Variants in XYLT1 observed in about 807,000 individuals in gnomAD.
XYLT1 encodes the protein xylosyltransferase 1.
Under a neutral mutation model 91.3 loss-of-function variants are expected in XYLT1, and 36 were observed. The observed-to-expected ratio is 0.39, with a 90% CI of 0.30 to 0.52. XYLT1 has a LOEUF of 0.52. Among genes scored for constraint, XYLT1 ranks in the 20% least tolerant of loss-of-function variants. The pLI, the probability that XYLT1 is intolerant of heterozygous loss-of-function variation, is 0.68. For synonymous variants in XYLT1, 588 were observed against 532.0 expected, an observed-to-expected ratio of 1.11 and a Z score of -1.45; for missense variants, 1,242 against 1,284.5, an observed-to-expected ratio of 0.97 and a Z score of 0.51.
intron 1 of XYLT1, among the ~76,000 whole-genome samples, chr16:17,425,506 T>G (rs2141926689): frequency 6.6e-6 from 1 of 152,278 alleles, no homozygotes; most frequent in East Asian, 1.9e-4. Context: ...AAATAATTCT[T>G]CTTACACTTC....
intron 2 of XYLT1, among the ~76,000 whole-genome samples, chr16:17,281,069 TG>T (rs1267521582): frequency 6.6e-6 from 1 of 152,162 alleles, no homozygotes; most frequent in Non-Finnish European, 1.5e-5. Flanking sequence ...GGTAAGCAAC[TG>T]GATTTGGCCC....
chr16:17,303,677 G>C (rs2141814887), intron 2 of XYLT1, among the ~76,000 whole-genome samples: 1 of 152,264 alleles, frequency 6.6e-6, no homozygotes, highest in African/African-American at 2.4e-5. Flanking sequence ...CTGGGAGTAA[G>C]AGGAGGAATC....
intron 1 of XYLT1, among the ~76,000 whole-genome samples, chr16:17,366,062 T>TG (rs1031292536): frequency 1.5e-4 from 6 of 39,862 alleles, no homozygotes; most frequent in Non-Finnish European, 2.2e-4. Context: ...GCTGGTTTGC[T>TG]TTTTTTTTTT....
At chr16:17,364,907 T>C (rs1180681077) in intron 1 of XYLT1, among the ~76,000 whole-genome samples, 3 of 152,190 alleles carry the variant, frequency 2.0e-5, no homozygotes, top group African/African-American at 4.8e-5. Flanking sequence ...TACATTGTTA[T>C]GAAACACCCT....
chr16:17,469,034 T>C (rs2036940326), intron 1 of XYLT1, among the ~76,000 whole-genome samples: 1 of 152,148 alleles, frequency 6.6e-6, no homozygotes, highest in South Asian at 2.1e-4. Context: ...CACGCCACTA[T>C]TCTCCCCGCA....
At chr16:17,249,067 A>C (rs7197069) in intron 3 of XYLT1, among the ~76,000 whole-genome samples, 61,663 of 151,900 alleles carry the variant, frequency 0.41, 14,324 homozygotes, top group African/African-American at 0.64. Flanking sequence ...TCCCTACCCA[A>C]CTTTAACAGG....
chr16:17,421,958 C>T (rs2036256154), intron 1 of XYLT1, among the ~76,000 whole-genome samples: 1 of 152,054 alleles, frequency 6.6e-6, no homozygotes, highest in South Asian at 2.1e-4. Flanking sequence ...CCACCTAAGC[C>T]TTCCAAGTAG....
At chr16:17,180,865 G>A (rs371279856) in intron 5 of XYLT1, among the ~76,000 whole-genome samples, 20 of 152,232 alleles carry the variant, frequency 1.3e-4, no homozygotes, top group South Asian at 4.1e-4. Context: ...TGCTCTCTGC[G>A]TTGGCTTCTG....
chr16:17,374,447 T>C (rs1435305757), intron 1 of XYLT1, among the ~76,000 whole-genome samples: 1 of 152,184 alleles, frequency 6.6e-6, no homozygotes, highest in Non-Finnish European at 1.5e-5. Flanking sequence ...ATTTGGCTTT[T>C]ACATAATCAG....
chr16:17,140,658 CAAAAAAAAAAAAAAAAAA>C (rs71137974), intron 7 of XYLT1, among the ~76,000 whole-genome samples: 1 of 68,026 alleles, frequency 1.5e-5, no homozygotes, highest in Admixed American at 1.9e-4. Context: ...AAGACTGTCT[CAAAAAAAAAAAAAAAAAA>C]AAAAAAAAAA....
At position 17,149,040 on chromosome 16, in the gene XYLT1, T is replaced by A. The variant is rs138884371; in HGVS notation, c.1371-7671A>T. ...AGGAAAAAGTCACAGCTAAATATGA[T>A]CCTATTGGGACATCCCAGGGACCAA... On this transcript the variant is annotated intron_variant, in intron 6 of 11. Coordinates refer to ENST00000261381, the MANE Select transcript of XYLT1 (RefSeq NM_022166.4). Among the ~76,000 whole-genome samples the A allele has an allele frequency of 1.3e-3, 202 of 152,310 alleles. 1 individual carries two copies. Among genetic ancestry groups the A allele is most frequent in the Non-Finnish European group, 2.4e-3 (165 of 68,030 alleles).
chr16:17,158,368 C>A (rs1157237344), intron 6 of XYLT1, among the ~76,000 whole-genome samples: 2 of 152,186 alleles, frequency 1.3e-5, no homozygotes, highest in African/African-American at 4.8e-5. Flanking sequence ...CACTACAGGT[C>A]AATTCCCTGA....
At position 17,470,859 on chromosome 16, in the gene XYLT1, C is replaced by T. The variant is rs2036982803; in HGVS notation, c.-63G>A. 6.0e-6 allele frequency: 5 copies of T among 836,596 alleles called. No homozygotes were observed. The highest frequency in any genetic ancestry group is 1.2e-4 in the South Asian group (2 of 17,260). The allele number at this position is 836,596 out of a possible 1,614,324, so 51.8% of individuals were successfully genotyped here. A position where few individuals can be genotyped will look rare whatever the true frequency, so the allele number is the denominator to read the frequency against. The stretch of plus-strand genomic sequence containing the variant: ...CGGCACGCTCCGGGCCGCCCCCGCG[C>T]TCCCCGCAGCTCCCGCGGCCGCCGG... On this transcript the variant is annotated 5_prime_UTR_variant, in exon 1 of 12. Transcript: ENST00000261381.
chr16:17,132,133 G>A (rs1175947279), intron 9 of XYLT1, among the ~76,000 whole-genome samples: 1 of 152,132 alleles, frequency 6.6e-6, no homozygotes, highest in African/African-American at 2.4e-5. Context: ...TAATTATTAT[G>A]GAACGACATT....
chr16:17,157,817 T>C (rs1292435338), intron 6 of XYLT1, among the ~76,000 whole-genome samples: 1 of 152,182 alleles, frequency 6.6e-6, no homozygotes, highest in Non-Finnish European at 1.5e-5. Context: ...GGTGCAATCT[T>C]GGTTCATTGC....
intron 11 of XYLT1, among the ~76,000 whole-genome samples, chr16:17,112,345 A>G (rs1966843452): frequency 1.3e-5 from 2 of 151,644 alleles, no homozygotes; most frequent in African/African-American, 4.8e-5. Flanking sequence ...ATCGCTAACA[A>G]ATACAATTAC....
At chr16:17,128,282 C>A (rs2030334069) in intron 9 of XYLT1, among the ~76,000 whole-genome samples, 1 of 152,208 alleles carries the variant, frequency 6.6e-6, no homozygotes, top group Non-Finnish European at 1.5e-5. Context: ...TGGCATCTAT[C>A]TATCCTAGCT....
intron 2 of XYLT1, among the ~76,000 whole-genome samples, chr16:17,335,767 T>C (rs2141842289): frequency 6.6e-6 from 1 of 152,326 alleles, no homozygotes; most frequent in South Asian, 2.1e-4. Flanking sequence ...GTCTGTTGTT[T>C]TATTTATTTT....
chr16:17,222,768 T>A (rs1184318440), intron 3 of XYLT1, among the ~76,000 whole-genome samples: 2 of 121,882 alleles, frequency 1.6e-5, no homozygotes, highest in African/African-American at 6.6e-5. Flanking sequence ...CCAGCCTGGG[T>A]GACAGAGCAA....
Sources: allele counts gnomAD v4.1 joint callset (sites outside exome capture counted in the v4.1 genomes callset), GRCh38; gene constraint gnomAD v4.1.1; transcripts MANE v1.5; gene names NCBI Gene and HGNC (gene_info 2026-07-23, HGNC 2026-07-21).